Variants in DPP10 observed in about 807,000 individuals in gnomAD.
DPP10 encodes the protein inactive dipeptidyl peptidase 10.
Under a neutral mutation model 120.9 loss-of-function variants are expected in DPP10, and 33 were observed. The ratio of observed to expected loss-of-function variants is 0.27; its 90% CI spans 0.21 to 0.37. The LOEUF is 0.37. Ranked by LOEUF, DPP10 falls within the 10% of genes least tolerant of loss-of-function variation. The pLI, the probability that DPP10 is intolerant of heterozygous loss-of-function variation, is 1.00. For synonymous variants in DPP10, 337 were observed against 326.1 expected, an observed-to-expected ratio of 1.03 and a Z score of -0.36; for missense variants, 816 against 942.8, an observed-to-expected ratio of 0.87 and a Z score of 1.76.
chr2:115,268,021 T>C (rs182811481), intron 1 of DPP10, among the ~76,000 whole-genome samples: 3 of 152,362 alleles, frequency 2.0e-5, no homozygotes, highest in Non-Finnish European at 4.4e-5. Context: ...ATGAATCATA[T>C]TAAAATCTAT....
chr2:115,448,338 T>C (rs2072805640), intron 3 of DPP10, among the ~76,000 whole-genome samples: 1 of 152,104 alleles, frequency 6.6e-6, no homozygotes, highest in South Asian at 2.1e-4. Context: ...AACAGGCTAA[T>C]GACAAACACT....
intron 1 of DPP10, among the ~76,000 whole-genome samples, chr2:114,576,961 T>C (rs1030744147): frequency 1.3e-5 from 2 of 151,872 alleles, no homozygotes; most frequent in Non-Finnish European, 1.5e-5. Context: ...CAAGAAGACA[T>C]AGTTAATGGG....
intron 1 of DPP10, among the ~76,000 whole-genome samples, chr2:115,094,921 T>C (rs1289929052): frequency 2.0e-5 from 3 of 152,140 alleles, no homozygotes; most frequent in Non-Finnish European, 2.9e-5. Flanking sequence ...AACAAAACTA[T>C]TTGTAACTCA....
chr2:115,069,437 T>C (rs1013512034), intron 1 of DPP10, among the ~76,000 whole-genome samples: 4 of 152,112 alleles, frequency 2.6e-5, no homozygotes, highest in African/African-American at 9.7e-5. Flanking sequence ...ACTTTTTCAA[T>C]AGAGCCTTTA....
At chr2:114,802,237 G>A (rs1684316177) in intron 1 of DPP10, among the ~76,000 whole-genome samples, 1 of 152,140 alleles carries the variant, frequency 6.6e-6, no homozygotes, top group South Asian at 2.1e-4. Flanking sequence ...TTTCACAGTT[G>A]TGCATAATTT....
intron 5 of DPP10, among the ~76,000 whole-genome samples, chr2:115,624,494 T>A (rs1176403475): frequency 5.9e-5 from 9 of 152,186 alleles, no homozygotes; most frequent in Non-Finnish European, 2.9e-5. Flanking sequence ...TATGAGATCA[T>A]CTGTCTGCTG....
chr2:115,431,406 AACAG>A (rs1308419768), intron 3 of DPP10, among the ~76,000 whole-genome samples: 1 of 152,156 alleles, frequency 6.6e-6, no homozygotes, highest in Non-Finnish European at 1.5e-5. Context: ...CAGGAATCCC[AACAG>A]AAACTCTTGC....
intron 1 of DPP10, among the ~76,000 whole-genome samples, chr2:115,140,962 A>G (rs1275242861): frequency 6.6e-6 from 1 of 151,446 alleles, no homozygotes; most frequent in Non-Finnish European, 1.5e-5. Flanking sequence ...AATGAACTAG[A>G]GGAATATGGT....
At chr2:115,494,745 G>A (rs573730503) in intron 3 of DPP10, among the ~76,000 whole-genome samples, 1 of 152,114 alleles carries the variant, frequency 6.6e-6, no homozygotes, top group African/African-American at 2.4e-5. Context: ...AACATGGAAT[G>A]CTACAGAATT....
chr2:115,278,769 A>G (rs752090589), intron 1 of DPP10, among the ~76,000 whole-genome samples: 11 of 152,106 alleles, frequency 7.2e-5, no homozygotes, highest in Non-Finnish European at 1.6e-4. Flanking sequence ...ATCCGTCCCC[A>G]TGACCAAAAC....
At chr2:115,370,361 G>A (rs751215597) in intron 3 of DPP10, among the ~76,000 whole-genome samples, 2 of 152,038 alleles carry the variant, frequency 1.3e-5, no homozygotes, top group Non-Finnish European at 2.9e-5. Context: ...ATATTAGGAT[G>A]GAGTGAATCC....
chr2:115,768,303 G>T lies in DPP10; in HGVS notation c.1120G>T (p.Glu374Ter). 1 of 1,613,452 alleles carries T rather than the reference G, an allele frequency of 6.2e-7. No homozygotes were observed. The highest frequency in any genetic ancestry group is 1.7e-5 in the Admixed American group (1 of 59,942). The change falls in exon 13 of 26, where the codon GAG becomes TAG. Residue 374 changes from glutamate (E) to a stop codon, truncating the protein, a stop_gained. Coordinates refer to ENST00000410059, the MANE Select transcript of DPP10 (RefSeq NM_020868.6). LOFTEE classifies it high-confidence loss of function. ...GTGCTCTTCTGTATTTTAGAATGAG[G>T]AGCCCGTGTTTTCTAGAGACGGCAG... is the stretch of plus-strand genomic sequence containing the variant. ...SDTWLSQQNEEPVFSRDGSKF... is the reference protein window; with the variant it reads ...SDTWLSQQNE
chr2:114,599,150 C>T (rs1692163854), intron 1 of DPP10, among the ~76,000 whole-genome samples: 1 of 151,602 alleles, frequency 6.6e-6, no homozygotes, highest in Non-Finnish European at 1.5e-5. Flanking sequence ...TATGTTTTGA[C>T]TGAGAATAAA....
chr2:115,673,847 A>G (rs930861475), intron 5 of DPP10, among the ~76,000 whole-genome samples: 1 of 152,222 alleles, frequency 6.6e-6, no homozygotes, highest in African/African-American at 2.4e-5. Context: ...AAGAGTTCAT[A>G]TATTTATAAA....
chr2:114,820,869 T>C (rs1686030687), intron 1 of DPP10, among the ~76,000 whole-genome samples: 1 of 152,188 alleles, frequency 6.6e-6, no homozygotes, highest in Non-Finnish European at 1.5e-5. Context: ...CTCCCAAATC[T>C]CATGTCCTCA....
At chr2:115,547,704 A>G (rs1456656026) in intron 5 of DPP10, among the ~76,000 whole-genome samples, 1 of 151,838 alleles carries the variant, frequency 6.6e-6, no homozygotes, top group Admixed American at 6.6e-5. Flanking sequence ...GGTCCAGGCT[A>G]CAATAAACTG....
At chr2:114,722,212 A>C (rs1477556786) in intron 1 of DPP10, among the ~76,000 whole-genome samples, 2 of 152,206 alleles carry the variant, frequency 1.3e-5, no homozygotes, top group Non-Finnish European at 2.9e-5. Flanking sequence ...TTCTCTTCTA[A>C]ATAAAAATGG....
intron 1 of DPP10, among the ~76,000 whole-genome samples, chr2:114,944,115 A>G (rs1436281675): frequency 6.6e-6 from 1 of 152,176 alleles, no homozygotes; most frequent in African/African-American, 2.4e-5. Context: ...CAGGAGTAGG[A>G]TACTTTGAAT....
chr2:115,736,623 T>C (rs1215337103), intron 8 of DPP10, among the ~76,000 whole-genome samples: 1 of 152,150 alleles, frequency 6.6e-6, no homozygotes, highest in Non-Finnish European at 1.5e-5. Flanking sequence ...ACTGTCTTGA[T>C]GGAAAGGTTT....
Sources: gnomAD v4.1 joint callset for allele counts (sites outside exome capture counted in the v4.1 genomes callset) on GRCh38, gnomAD v4.1.1 for gene constraint, MANE v1.5 for transcripts, NCBI Gene and HGNC (gene_info 2026-07-23, HGNC 2026-07-21) for gene names.